DUOXA2: variants seen among roughly 807,000 people sequenced by gnomAD.
The protein encoded by DUOXA2 is dual oxidase maturation factor 2.
A neutral mutation model predicts 27.6 loss-of-function variants in DUOXA2; 22 were observed. That is an observed-to-expected ratio of 0.80 (90% confidence interval 0.57 to 1.14). The LOEUF (loss-of-function observed/expected upper bound fraction) is 1.14, where lower values mean the gene tolerates loss of function less well. Among genes scored for constraint, DUOXA2 ranks in the 50% most tolerant of loss-of-function variants. The pLI, the probability that DUOXA2 is intolerant of heterozygous loss-of-function variation, is 0.00. For missense variants in DUOXA2, 481 were observed against 419.9 expected (o/e 1.15, Z -1.27); for synonymous variants, 188 against 184.4 (o/e 1.02, Z -0.16).
chr15:45,116,232 T>C lies in DUOXA2; in HGVS notation c.314T>C (p.Leu105Pro), dbSNP rs1443679025. Reference protein sequence around the residue: ...VTARVRLLVGLEGINITLTGT... With the variant: ...VTARVRLLVGPEGINITLTGT... ...GCCCGTGTCCGTCTGCTCGTGGGCC[T>C]GGAGGGCATTAATATTACACTCACA... Residue 105 changes from leucine (L) to proline (P), a missense_variant, in exon 3 of 6, where the codon CTG becomes CCG. Leu to Pro is a moderately conservative substitution (Grantham distance 98, BLOSUM62 -3). Transcript: ENST00000323030. 1 of 1,614,002 alleles carries C rather than the reference T, an allele frequency of 6.2e-7. No individual in the cohort carries two copies. Among genetic ancestry groups the C allele is most frequent in the Non-Finnish European group, 8.5e-7 (1 of 1,179,962 alleles).
chr15:45,114,719 C>T lies in DUOXA2; in HGVS notation c.114C>T (p.Phe38=). ...TGTTTTTGGCTCTAGCAGCAAGCTT[C>T]CTGCTCATCTTGCCGGGGATCCGTG... The part of the protein sequence containing the change: ...ILVFLALAAS[F]LLILPGIRGH... Residue 38 remains phenylalanine (F), a synonymous_variant, in exon 1 of 6, where the codon TTC becomes TTT. Transcript: ENST00000323030. The T allele has an allele frequency of 1.9e-6, 3 of 1,614,230 alleles. No individual in the cohort carries two copies. The highest frequency in any genetic ancestry group is 1.1e-5 in the South Asian group (1 of 91,080).
At chr15:45,116,772 A>C (rs778565896) in intron 4 of DUOXA2, 43 bp downstream of exon 4, 7 of 1,601,978 alleles carry the variant, frequency 4.4e-6, no homozygotes, top group Non-Finnish European at 4.3e-6. Context: ...TGTGTGTGCC[A>C]GGAGCTGGGC....
chr15:45,117,631 G>A (rs766624128), intron 5 of DUOXA2, 85 bp from the exon 6 acceptor site: 7 of 1,613,686 alleles, frequency 4.3e-6, no homozygotes, highest in Non-Finnish European at 5.9e-6. Context: ...CAGGAAGGTC[G>A]TTTGAGGCCA....
rs747580667 is a variant in DUOXA2, at chr15:45,117,133, C to T, written c.597C>T (p.Ser199=). 73 of 1,601,472 alleles carry T rather than the reference C, an allele frequency of 4.6e-5. 1 individual carries two copies. Among genetic ancestry groups the T allele is most frequent in the Admixed American group, 2.8e-4 (17 of 60,016 alleles). Residue 199 remains serine (S), a synonymous_variant, in exon 5 of 6, where the codon TCC becomes TCT. Transcript: ENST00000323030. ...GGCTCCTCTCCAACGTGCTGCTCTCCACGCCGGCCCCGCTCTACGGAGGCC... is the reference window on the plus strand; with the variant it reads ...GGCTCCTCTCCAACGTGCTGCTCTCTACGCCGGCCCCGCTCTACGGAGGCC... ...CFWLLSNVLL[S]TPAPLYGGLA...
rs1894547548 is a variant in DUOXA2 at position 45,114,406 on chromosome 15, C to T, written c.-200C>T. 1 of 649,200 alleles carries T rather than the reference C, an allele frequency of 1.5e-6. No homozygotes were observed. The highest frequency in any genetic ancestry group is 1.9e-5 in the South Asian group (1 of 52,924). 40.2% of individuals were successfully genotyped at this position (649,200 alleles called of 1,614,324 possible). ...CGCTCGCCGGCTAGAAAAACTCTGTCGGTACCAACCCCAGAGCGTTGAGAG... is the reference window on the plus strand; with the variant it reads ...CGCTCGCCGGCTAGAAAAACTCTGTTGGTACCAACCCCAGAGCGTTGAGAG... On this transcript the variant is annotated 5_prime_UTR_variant, in exon 1 of 6. Coordinates refer to ENST00000323030, the MANE Select transcript of DUOXA2 (RefSeq NM_207581.4).
In DUOXA2 at chr15:45,117,121, C is replaced by A. The variant is rs778457087; in HGVS notation, c.585C>A (p.Asn195Lys). ...CGTTCTGCTTCTGGCTCCTCTCCAA[C>A]GTGCTGCTCTCCACGCCGGCCCCGC... ...WVAFCFWLLS[N>K]VLLSTPAPLY... Residue 195 changes from asparagine to lysine, a missense_variant, in exon 5 of 6, where the codon AAC (asparagine) becomes AAA (lysine). Transcript: ENST00000323030. The A allele has an allele frequency of 6.2e-7, 1 of 1,600,398 alleles. No homozygotes were observed.
chr15:45,117,521 T>C lies in DUOXA2; in HGVS notation c.770-195T>C, dbSNP rs760251343. ...TTGCCGTGTTTCATGTAATTCAGATTAGAGGTGTGTGGCGGGAGGTAACAC... is the reference window on the plus strand; with the variant it reads ...TTGCCGTGTTTCATGTAATTCAGATCAGAGGTGTGTGGCGGGAGGTAACAC... On this transcript the variant is annotated intron_variant, in intron 5 of 5. Coordinates refer to ENST00000323030, the MANE Select transcript of DUOXA2 (RefSeq NM_207581.4). The C allele has an allele frequency of 1.6e-5, 25 of 1,556,092 alleles. No homozygotes were observed. In the East Asian group the frequency reaches 4.6e-4, roughly 29 times the overall value.
intron 5 of DUOXA2, 91 bp from the exon 6 acceptor site, chr15:45,117,625 A>G (rs367778516): frequency 2.4e-4 from 392 of 1,613,646 alleles, no homozygotes; most frequent in Non-Finnish European, 3.0e-4. Context: ...TCGAGGCAGG[A>G]AGGTCGTTTG....
At chr15:45,115,668 G>A in intron 1 of DUOXA2, 131 bp from the exon 2 acceptor site, 1 of 1,108,202 alleles carries the variant, frequency 9.0e-7, no homozygotes, top group African/African-American at 1.5e-5. Flanking sequence ...GGACTTGCAG[G>A]AAAAGCGTGC....
At chr15:45,116,870 G>A (rs1595534687) in intron 4 of DUOXA2, 141 bp downstream of exon 4, 4 of 1,142,520 alleles carry the variant, frequency 3.5e-6, no homozygotes, top group Non-Finnish European at 5.0e-6. Context: ...CAGCCTCGCG[G>A]GTTAGAAGAT....
chr15:45,115,840 A>G lies in DUOXA2; in HGVS notation c.189A>G (p.Ile63Met). 1 of 1,614,020 alleles carries G rather than the reference A, an allele frequency of 6.2e-7. No individual in the cohort carries two copies. ...WLVRVLLSLFIGAEIVAVHFS... is the reference protein window; with the variant it reads ...WLVRVLLSLFMGAEIVAVHFS... ...TGAGAGTTCTTCTCAGTCTGTTCATAGGCGCAGAAATTGTGGGTGAGTGTG... is the reference window on the plus strand; with the variant it reads ...TGAGAGTTCTTCTCAGTCTGTTCATGGGCGCAGAAATTGTGGGTGAGTGTG... Residue 63 changes from isoleucine (I) to methionine (M), a missense_variant, in exon 2 of 6, where the codon ATA (isoleucine) becomes ATG (methionine). Ile to Met is a conservative substitution (Grantham distance 10, BLOSUM62 1). Coordinates refer to ENST00000323030, the MANE Select transcript of DUOXA2 (RefSeq NM_207581.4).
chr15:45,115,096 G>A (rs1331063942), intron 1 of DUOXA2, among the ~76,000 whole-genome samples: 5 of 152,170 alleles, frequency 3.3e-5, no homozygotes, highest in Non-Finnish European at 7.3e-5. Flanking sequence ...CATCCCATCC[G>A]GTGGGTGATG....
At chr15:45,117,064 A>C in intron 4 of DUOXA2, 27 bp from the exon 5 acceptor site, 1 of 1,595,236 alleles carries the variant, frequency 6.3e-7, no homozygotes, top group Non-Finnish European at 8.5e-7. Flanking sequence ...AAGCCCGCTC[A>C]CAGCGGGTCC....
In DUOXA2 at chr15:45,116,210, C is replaced by G. The variant is rs199519754; in HGVS notation, c.292C>G (p.Arg98Gly). 1.9e-6 allele frequency: 3 copies of G among 1,614,138 alleles called. No individual in the cohort carries two copies. The highest frequency in any genetic ancestry group is 2.5e-6 in the Non-Finnish European group (3 of 1,180,024). The change falls in exon 3 of 6, where the codon CGT becomes GGT. Residue 98 changes from arginine to glycine, a missense_variant. Coordinates refer to ENST00000323030, the MANE Select transcript of DUOXA2 (RefSeq NM_207581.4). Reference protein sequence around the residue: ...KAFSAARVTARVRLLVGLEGI... With the variant: ...KAFSAARVTAGVRLLVGLEGI... ...CTTCAGCGCAGCGCGCGTTACAGCC[C>G]GTGTCCGTCTGCTCGTGGGCCTGGA... is the stretch of plus-strand genomic sequence containing the variant.
intron 5 of DUOXA2, 28 bp from the exon 6 acceptor site, chr15:45,117,685 CCCT>C: frequency 6.2e-7 from 1 of 1,613,826 alleles, no homozygotes; most frequent in Non-Finnish European, 8.5e-7. Context: ...ACTCCACATG[CCCT>C]CCTTTCTTTC....
chr15:45,114,380 T>A lies in DUOXA2; in HGVS notation c.-226T>A. ...CGGCTACAGACAGTGAGAAATAGTT[T>A]CGCTCGCCGGCTAGAAAAACTCTGT... On this transcript the variant is annotated 5_prime_UTR_variant, in exon 1 of 6. Transcript: ENST00000323030. The A allele has an allele frequency of 6.6e-6, 4 of 605,762 alleles. No individual in the cohort carries two copies. The highest frequency in any genetic ancestry group is 1.2e-5 in the Non-Finnish European group (4 of 344,142). 37.5% of individuals were successfully genotyped at this position (605,762 alleles called of 1,614,324 possible). A position where few individuals can be genotyped will look rare whatever the true frequency, so the allele number is the denominator to read the frequency against.
At position 45,117,242 on chromosome 15, in the gene DUOXA2, C is replaced by A; in HGVS notation, c.706C>A (p.Arg236Ser). The change falls in exon 5 of 6, where the codon CGC becomes AGC. Residue 236 changes from arginine to serine, a missense_variant. Arg to Ser is a moderately radical substitution (Grantham distance 110, BLOSUM62 -1). Coordinates refer to ENST00000323030, the MANE Select transcript of DUOXA2 (RefSeq NM_207581.4). ...CTCTAGCGTGCCGCTCTGCCCGCTC[C>A]GCCTAGGCTCCTCCGCGCTCACCAC... ...SISSVPLCPL[R>S]LGSSALTTQY... 1 of 1,610,322 alleles carries A rather than the reference C, an allele frequency of 6.2e-7. No individual in the cohort carries two copies. Among genetic ancestry groups the A allele is most frequent in the South Asian group, 1.1e-5 (1 of 90,898 alleles).
At chr15:45,116,484 G>C (rs1292576978) in intron 3 of DUOXA2, 32 bp from the exon 4 acceptor site, 3 of 1,610,760 alleles carry the variant, frequency 1.9e-6, no homozygotes, top group Admixed American at 1.7e-5. Flanking sequence ...CTCCGACCGC[G>C]GGCAGCCCCA....
Position 45,117,878 on chromosome 15 carries a change from C to A in DUOXA2, c.932C>A (p.Pro311Gln), listed in dbSNP as rs1894775552. ...GDPLHKQAALPDLKCITTNL is the reference protein window; with the variant it reads ...GDPLHKQAALQDLKCITTNL ...CCACTGCACAAGCAGGCCGCTCTCC[C>A]AGACTTAAAATGTATCACCACTAAC... The change falls in exon 6 of 6, where the codon CCA (proline) becomes CAA (glutamine). Residue 311 changes from proline (P) to glutamine (Q), a missense_variant. Physicochemically the swap from Pro to Gln is moderately conservative, Grantham distance 76 (BLOSUM62 -1). Transcript: ENST00000323030. 6.2e-7 allele frequency: 1 copy of A among 1,613,442 alleles called. No homozygotes were observed. The highest frequency in any genetic ancestry group is 1.1e-5 in the South Asian group (1 of 91,086).
Sources: allele counts gnomAD v4.1 joint callset (sites outside exome capture counted in the v4.1 genomes callset), GRCh38; gene constraint gnomAD v4.1.1; transcripts MANE v1.5; gene names NCBI Gene and HGNC (gene_info 2026-07-23, HGNC 2026-07-21).